The following PNPLA1 variants were observed in gnomAD, a reference collection of about 807,000 sequenced individuals.
PNPLA1 encodes the protein omega-hydroxyceramide transacylase.
PNPLA1 carries 36 observed loss-of-function variants against 51.7 expected under a neutral mutation model. The ratio of observed to expected loss-of-function variants is 0.70; its 90% CI spans 0.53 to 0.92. PNPLA1 has a LOEUF of 0.92. PNPLA1 is among the 40% of genes least tolerant of loss of function. The probability of loss-of-function intolerance (pLI) is 0.00; values close to 1 mark genes in which losing one functional copy is unlikely to be tolerated. For synonymous variants in PNPLA1, 293 were observed against 280.1 expected, an observed-to-expected ratio of 1.05 and a Z score of -0.46; for missense variants, 658 against 682.5, an observed-to-expected ratio of 0.96 and a Z score of 0.40.
Position 36,313,692 on chromosome 6 carries a change from A to T in PNPLA1, c.*1806A>T, listed in dbSNP as rs2127359193. Among the ~76,000 whole-genome samples, 1 of 152,238 alleles carries T rather than the reference A, an allele frequency of 6.6e-6. No homozygotes were observed. The highest frequency in any genetic ancestry group is 1.5e-5 in the Non-Finnish European group (1 of 68,020). On this transcript the variant is annotated 3_prime_UTR_variant, in exon 9 of 9. Transcript: ENST00000636260. ...CAGCTGGAGGTGTGTACTGTGGGGG[A>T]GACTGACTAGAGAGGCCCGCCCGGC...
chr6:36,259,046 G>A (rs866265073), intron 1 of PNPLA1, among the ~76,000 whole-genome samples: 1 of 152,174 alleles, frequency 6.6e-6, no homozygotes, highest in Non-Finnish European at 1.5e-5. Flanking sequence ...GTTCTGGGTT[G>A]TATCACCATT....
At chr6:36,291,597 G>GGGGGGGGGGGGGGGGGTGGC in intron 2 of PNPLA1, 45 bp downstream of exon 2, 1 of 532,586 alleles carries the variant, frequency 1.9e-6, no homozygotes, top group Non-Finnish European at 3.4e-6. Flanking sequence ...GGGGGCGGGG[G>GGGGGGGGGGGGGGGGGTGGC]AGGGCGGCTC....
At chr6:36,272,646 A>G (rs1251728401) in intron 1 of PNPLA1, among the ~76,000 whole-genome samples, 1 of 152,160 alleles carries the variant, frequency 6.6e-6, no homozygotes, top group East Asian at 1.9e-4. Context: ...GCAAGGTGGA[A>G]ACTAGATAAG....
chr6:36,280,058 T>A (rs1274662668), intron 1 of PNPLA1, among the ~76,000 whole-genome samples: 1 of 151,484 alleles, frequency 6.6e-6, no homozygotes, highest in African/African-American at 2.4e-5. Flanking sequence ...ATACAAAAAT[T>A]AGCTGGGCGT....
intron 5 of PNPLA1, among the ~76,000 whole-genome samples, chr6:36,301,647 A>G (rs1409467694): frequency 6.6e-6 from 1 of 152,126 alleles, no homozygotes; most frequent in Non-Finnish European, 1.5e-5. Context: ...TTGAAACTCT[A>G]GATAATTTGG....
At chr6:36,256,226 C>T (rs1769530429) in intron 1 of PNPLA1, among the ~76,000 whole-genome samples, 1 of 151,988 alleles carries the variant, frequency 6.6e-6, no homozygotes, top group Admixed American at 6.6e-5. Flanking sequence ...CATGGTGGCT[C>T]ACGCCTGTAA....
Position 36,291,210 on chromosome 6 carries a change from T to C in PNPLA1, c.206-110T>C, listed in dbSNP as rs567596942. 1.8e-5 allele frequency: 14 copies of C among 771,960 alleles called. No individual in the cohort carries two copies. The South Asian group carries it at 2.4e-4, about 13-fold the overall frequency. 47.8% of individuals were successfully genotyped at this position (771,960 alleles called of 1,614,324 possible). A position where few individuals can be genotyped will look rare whatever the true frequency, so the allele number is the denominator to read the frequency against. On this transcript the variant is annotated intron_variant, in intron 1 of 8. Transcript: ENST00000636260. ...TTTTCCCAGCTTCCGAATTCTAGGT[T>C]TCCCCATTTGTTGGATTCAGAGATG...
intron 1 of PNPLA1, among the ~76,000 whole-genome samples, chr6:36,247,223 A>G (rs765468253): frequency 2.2e-4 from 34 of 152,064 alleles, no homozygotes; most frequent in Non-Finnish European, 3.7e-4. Flanking sequence ...TCAGGGCCCC[A>G]CAGACTACTG....
intron 1 of PNPLA1, among the ~76,000 whole-genome samples, chr6:36,245,162 G>A (rs555961874): frequency 1.1e-4 from 16 of 152,316 alleles, no homozygotes; most frequent in African/African-American, 3.6e-4. Context: ...GCTCTGGCCT[G>A]TGGGTGTGAC....
chr6:36,282,128 G>A (rs28713444), intron 1 of PNPLA1, among the ~76,000 whole-genome samples: 19,895 of 83,560 alleles, frequency 0.24, 2,849 homozygotes, highest in Non-Finnish European at 0.35. Flanking sequence ...AAGGAAGGAA[G>A]GAAGGAAGGA....
intron 1 of PNPLA1, chr6:36,243,400 G>C (rs1211641046): frequency 6.6e-5 from 10 of 152,260 alleles, no homozygotes; most frequent in African/African-American, 2.4e-4. Flanking sequence ...TTGGGAACCA[G>C]TGTGTAACTG....
intron 1 of PNPLA1, among the ~76,000 whole-genome samples, chr6:36,255,434 G>A (rs1769510152): frequency 6.6e-6 from 1 of 152,234 alleles, no homozygotes; most frequent in African/African-American, 2.4e-5. Context: ...GAACCCGGGA[G>A]GCAGAGGTTG....
intron 1 of PNPLA1, among the ~76,000 whole-genome samples, chr6:36,275,126 C>G (rs4713947): frequency 1.3e-5 from 2 of 152,118 alleles, no homozygotes; most frequent in Non-Finnish European, 1.5e-5. Flanking sequence ...TCACCCACAT[C>G]GGAGTGCAGT....
intron 5 of PNPLA1, among the ~76,000 whole-genome samples, chr6:36,296,294 A>C (rs987243365): frequency 6.6e-5 from 10 of 152,228 alleles, no homozygotes; most frequent in African/African-American, 2.2e-4. Context: ...GAAAGAAATC[A>C]ACAAAAGCTT....
At chr6:36,302,585 T>G (rs979536727) in intron 6 of PNPLA1, 116 bp downstream of exon 6, 42 of 1,358,354 alleles carry the variant, frequency 3.1e-5, no homozygotes, top group Middle Eastern at 3.8e-4. Context: ...AAGTTAGCAG[T>G]GAGCTTTAGC....
chr6:36,261,642 G>A (rs1769650940), intron 1 of PNPLA1, among the ~76,000 whole-genome samples: 1 of 152,202 alleles, frequency 6.6e-6, no homozygotes, highest in Middle Eastern at 3.2e-3. Context: ...ACAAAAGCGA[G>A]AAATAAAGAA....
Position 36,302,140 on chromosome 6 carries a change from A to G in PNPLA1, c.1055A>G (p.Gln352Arg). The G allele has an allele frequency of 6.2e-7, 1 of 1,614,204 alleles. No homozygotes were observed. The highest frequency in any genetic ancestry group is 8.5e-7 in the Non-Finnish European group (1 of 1,180,034). The change falls in exon 6 of 9, where the codon CAG (glutamine) becomes CGG (arginine). Residue 352 changes from glutamine (Q) to arginine (R), a missense_variant. Transcript: ENST00000636260. ...TCAGCACCAGTCTCTCCACTTGAGC[A>G]GCCACCTGCACAGCCACTGGCCTCT... ...PVSAPVSPLEQPPAQPLASST... is the reference protein window; with the variant it reads ...PVSAPVSPLERPPAQPLASST...
chr6:36,300,178 T>TGTGTGAGAGAGAGAGA, intron 5 of PNPLA1, among the ~76,000 whole-genome samples: 29 of 98,134 alleles, frequency 3.0e-4, no homozygotes, highest in East Asian at 1.7e-3. Flanking sequence ...TGTGTGTGTG[T>TGTGTGAGAGAGAGAGA]GAGAGAGAGA....
chr6:36,293,379 C>T (rs894753480), intron 3 of PNPLA1, among the ~76,000 whole-genome samples: 4 of 152,226 alleles, frequency 2.6e-5, no homozygotes, highest in African/African-American at 9.6e-5. Context: ...ATCAAGGCTC[C>T]ATAGGCTTGG....
Sources: gnomAD v4.1 joint callset for allele counts (sites outside exome capture counted in the v4.1 genomes callset) on GRCh38, gnomAD v4.1.1 for gene constraint, MANE v1.5 for transcripts, NCBI Gene and HGNC (gene_info 2026-07-23, HGNC 2026-07-21) for gene names.